The following ASXL3 variants were observed in gnomAD, a reference collection of about 807,000 sequenced individuals.
The protein encoded by ASXL3 is ASXL transcriptional regulator 3, also known as putative Polycomb group protein ASXL3.
In ASXL3, 34 loss-of-function variants were observed where a neutral mutation model predicts 170.6. The observed-to-expected ratio is 0.20, with a 90% CI of 0.15 to 0.27. The LOEUF (loss-of-function observed/expected upper bound fraction) is 0.27, where lower values mean the gene tolerates loss of function less well. ASXL3 is among the 10% of genes least tolerant of loss of function. The pLI, the probability that ASXL3 is intolerant of heterozygous loss-of-function variation, is 1.00. For synonymous variants in ASXL3, 1,002 were observed against 989.1 expected, an observed-to-expected ratio of 1.01 and a Z score of -0.24; for missense variants, 2,592 against 2,695.3, an observed-to-expected ratio of 0.96 and a Z score of 0.85.
intron 8 of ASXL3, among the ~76,000 whole-genome samples, chr18:33,702,359 CTCTT>C (rs2066887554): frequency 6.6e-6 from 1 of 151,958 alleles, no homozygotes; most frequent in Non-Finnish European, 1.5e-5. Flanking sequence ...TACTACTCCT[CTCTT>C]CCTTCAGGAA....
intron 5 of ASXL3, among the ~76,000 whole-genome samples, chr18:33,669,629 A>G (rs1157619830): frequency 6.6e-6 from 1 of 152,178 alleles, no homozygotes; most frequent in Non-Finnish European, 1.5e-5. Flanking sequence ...TCGTTTTTTG[A>G]TAGCAAGGGG....
At chr18:33,593,167 T>G (rs1329014477) in intron 1 of ASXL3, among the ~76,000 whole-genome samples, 1 of 152,088 alleles carries the variant, frequency 6.6e-6, no homozygotes, top group Non-Finnish European at 1.5e-5. Flanking sequence ...ATGGCCAGAT[T>G]TCCACACCAC....
chr18:33,639,207 T>C lies in ASXL3; in HGVS notation c.138-5687T>C, dbSNP rs553433482. Reference sequence around the variant, plus strand: ...GTTCTAAGTGCTTTATATGTTTTAATGCATTTAATCTTCGGATTAATTCTC... The same window carrying C: ...GTTCTAAGTGCTTTATATGTTTTAACGCATTTAATCTTCGGATTAATTCTC... On this transcript the variant is annotated intron_variant, in intron 2 of 11. Transcript: ENST00000269197. 2.0e-4 allele frequency among the ~76,000 whole-genome samples: 30 copies of C among 152,294 alleles called. 1 individual carries two copies. The South Asian group carries it at 4.8e-3, about 24-fold the overall frequency.
In ASXL3 at chr18:33,606,713, C is replaced by T. The variant is rs115399686; in HGVS notation, c.55-881C>T. On this transcript the variant is annotated intron_variant, in intron 1 of 11. Coordinates refer to ENST00000269197, the MANE Select transcript of ASXL3 (RefSeq NM_030632.3). Reference sequence around the variant, plus strand: ...GCATCTTTAATTAGGTGTCATCTACCCTTGGAGTAGGTCATTGTGGAGATG... The same window carrying T: ...GCATCTTTAATTAGGTGTCATCTACTCTTGGAGTAGGTCATTGTGGAGATG... Among the ~76,000 whole-genome samples the T allele has an allele frequency of 5.2e-3, 792 of 151,968 alleles. 2 individuals carry two copies. Among genetic ancestry groups the T allele is most frequent in the Middle Eastern group, 6.8e-3 (2 of 294 alleles).
chr18:33,592,398 T>C (rs1380131900), intron 1 of ASXL3, among the ~76,000 whole-genome samples: 2 of 152,340 alleles, frequency 1.3e-5, no homozygotes, highest in East Asian at 1.9e-4. Flanking sequence ...TTTTCCTCCT[T>C]AGGGACATGT....
intron 2 of ASXL3, among the ~76,000 whole-genome samples, chr18:33,632,297 A>G (rs1262101714): frequency 6.6e-6 from 1 of 152,040 alleles, no homozygotes; most frequent in Non-Finnish European, 1.5e-5. Flanking sequence ...AGTTTTCTGA[A>G]GTTTGGAATA....
chr18:33,744,128 A>C lies in ASXL3; in HGVS notation c.4280A>C (p.Asp1427Ala). 6.2e-7 allele frequency: 1 copy of C among 1,614,038 alleles called. No homozygotes were observed. Among genetic ancestry groups the C allele is most frequent in the Non-Finnish European group, 8.5e-7 (1 of 1,179,900 alleles). ...TGNMLTINSYDSPPKLSAESL... is the reference protein window; with the variant it reads ...TGNMLTINSYASPPKLSAESL... ...AACATGCTGACAATAAACTCTTATG[A>C]TAGTCCTCCCAAGTTAAGTGCTGAA... The change falls in exon 12 of 12, where the codon GAT (aspartate) becomes GCT (alanine). Residue 1427 changes from aspartate (D) to alanine (A), a missense_variant. By Grantham distance (126) the Asp-to-Ala change is moderately radical. Around this residue, in one of 4 missense-constraint regions of ASXL3, gnomAD observed 2,246 missense variants for 2,219.6 expected, o/e 1.01. Coordinates refer to ENST00000269197, the MANE Select transcript of ASXL3 (RefSeq NM_030632.3).
At position 33,709,889 on chromosome 18, in the gene ASXL3, T is replaced by C. The variant is rs146094372; in HGVS notation, c.880-22079T>C. ...TTATGTTTCTCCCCACTCTGACCAC[T>C]GCTTCCTAATCACTTCCACTCCCAC... On this transcript the variant is annotated intron_variant, in intron 8 of 11. Transcript: ENST00000269197. Among the ~76,000 whole-genome samples the C allele has an allele frequency of 2.2e-4, 34 of 152,326 alleles. No individual in the cohort carries two copies. The East Asian group carries it at 6.2e-3, about 28-fold the overall frequency.
chr18:33,646,998 A>G (rs1443143436), intron 4 of ASXL3, among the ~76,000 whole-genome samples: 1 of 151,816 alleles, frequency 6.6e-6, no homozygotes, highest in African/African-American at 2.4e-5. Context: ...AATTTTGGCA[A>G]ATCTTTGTCC....
intron 1 of ASXL3, among the ~76,000 whole-genome samples, chr18:33,582,740 G>GTT (rs71266913): frequency 0.035 from 5,031 of 145,474 alleles, 206 homozygotes; most frequent in African/African-American, 0.11. Flanking sequence ...GTGTGTGTGT[G>GTT]TTTTCTTGGT....
Position 33,743,446 on chromosome 18 carries a change from G to T in ASXL3, c.3598G>T (p.Val1200Leu). 1 of 1,613,502 alleles carries T rather than the reference G, an allele frequency of 6.2e-7. No individual in the cohort carries two copies. The highest frequency in any genetic ancestry group is 8.5e-7 in the Non-Finnish European group (1 of 1,179,886). ...TCCAGAAACTGCCACTGACTTATCT[G>T]TGCATAGTTCTGATGAAAACATACC... The part of the protein sequence containing the change: ...KLPETATDLS[V>L]HSSDENIPVS... The change falls in exon 12 of 12, where the codon GTG becomes TTG. Residue 1200 changes from valine (V) to leucine (L), a missense_variant. Val to Leu is a conservative substitution (Grantham distance 32). Coordinates refer to ENST00000269197, the MANE Select transcript of ASXL3 (RefSeq NM_030632.3).
intron 8 of ASXL3, among the ~76,000 whole-genome samples, chr18:33,684,941 T>C (rs1404427700): frequency 6.6e-6 from 1 of 152,084 alleles, no homozygotes; most frequent in African/African-American, 2.4e-5. Context: ...CAAAAGCTAA[T>C]CTGGTGGAAG....
chr18:33,605,114 A>G (rs561079651), intron 1 of ASXL3, among the ~76,000 whole-genome samples: 2 of 152,024 alleles, frequency 1.3e-5, no homozygotes, highest in African/African-American at 2.4e-5. Flanking sequence ...TCCAAAATGT[A>G]AGCAACAACA....
At chr18:33,729,911 T>G (rs1234965558) in intron 8 of ASXL3, among the ~76,000 whole-genome samples, 3 of 152,104 alleles carry the variant, frequency 2.0e-5, no homozygotes, top group Non-Finnish European at 4.4e-5. Context: ...CCCAACACCC[T>G]TCTGTCCATC....
At chr18:33,715,401 G>T (rs1465038759) in intron 8 of ASXL3, among the ~76,000 whole-genome samples, 1 of 152,122 alleles carries the variant, frequency 6.6e-6, no homozygotes, top group Non-Finnish European at 1.5e-5. Context: ...AAAATAGTAG[G>T]CTACACATTC....
intron 5 of ASXL3, among the ~76,000 whole-genome samples, chr18:33,669,108 A>T (rs1001250000): frequency 1.3e-5 from 2 of 152,148 alleles, no homozygotes; most frequent in Non-Finnish European, 2.9e-5. Flanking sequence ...CTGTTTTATT[A>T]TTGATTGATA....
rs1187370253 is a variant in ASXL3 at position 33,743,781 on chromosome 18, C to T, written c.3933C>T (p.Gly1311=). 6.2e-7 allele frequency: 1 copy of T among 1,613,856 alleles called. No homozygotes were observed. The highest frequency in any genetic ancestry group is 8.5e-7 in the Non-Finnish European group (1 of 1,179,916). ...CTCCCATTTCAGCCACTACAGAGGG[C>T]TCCAGCATATCAAGCTCCATGGATG... is the stretch of plus-strand genomic sequence containing the variant. ...ESTPISATTE[G]SSISSSMDDK... is the part of the protein sequence containing the mutation. The change falls in exon 12 of 12, where the codon GGC becomes GGT. Residue 1311 remains glycine (G), a synonymous_variant. Coordinates refer to ENST00000269197, the MANE Select transcript of ASXL3 (RefSeq NM_030632.3).
rs1431583549 is a variant in ASXL3 at position 33,578,435 on chromosome 18, AC to A, written c.-192del. 5.6e-5 allele frequency: 2 copies of A among 35,666 alleles called. No individual in the cohort carries two copies. Among genetic ancestry groups the A allele is most frequent in the African/African-American group, 2.6e-4 (2 of 7,572 alleles). The allele number at this position is 35,666 out of a possible 1,614,324, so 2.2% of individuals were successfully genotyped here. ...CGCGCGCCCCCACCCACTCCACCCC[AC>A]CCCCTCGCTCCATCCCTCCCACCCG... On this transcript the variant is annotated 5_prime_UTR_variant, in exon 1 of 12. Transcript: ENST00000269197.
At chr18:33,677,998 T>A (rs2066455177) in intron 7 of ASXL3, among the ~76,000 whole-genome samples, 1 of 152,210 alleles carries the variant, frequency 6.6e-6, no homozygotes, top group African/African-American at 2.4e-5. Context: ...CAGGAAACCC[T>A]TCTGCCTCAT....
Sources: gnomAD v4.1 joint callset for allele counts (sites outside exome capture counted in the v4.1 genomes callset) on GRCh38, gnomAD v4.1.1 for gene constraint, gnomAD v4.1.1 regional missense constraint, MANE v1.5 for transcripts, NCBI Gene and HGNC (gene_info 2026-07-23, HGNC 2026-07-21) for gene names.